Variants in RAB11FIP1 observed in about 807,000 individuals in gnomAD.
The protein encoded by RAB11FIP1 is rab11 family-interacting protein 1.
In RAB11FIP1, 49 loss-of-function variants were observed where a neutral mutation model predicts 83.1. The observed-to-expected ratio is 0.59, with a 90% CI of 0.47 to 0.75. The LOEUF (loss-of-function observed/expected upper bound fraction) is 0.75. Among genes scored for constraint, RAB11FIP1 ranks in the 30% least tolerant of loss-of-function variants. The probability of loss-of-function intolerance (pLI) is 0.00; values close to 1 mark genes in which losing one functional copy is unlikely to be tolerated. For synonymous variants in RAB11FIP1, 670 were observed against 656.0 expected (o/e 1.02, Z -0.33); for missense variants, 1,536 against 1,598.7 (o/e 0.96, Z 0.67).
chr8:37,875,163 T>A lies in RAB11FIP1; in HGVS notation c.974A>T (p.Tyr325Phe). The A allele has an allele frequency of 6.2e-7, 1 of 1,614,060 alleles. No individual in the cohort carries two copies. The change falls in exon 3 of 6, where the codon TAC becomes TTC. Residue 325 changes from tyrosine to phenylalanine, a missense_variant. Coordinates refer to ENST00000330843, the MANE Select transcript of RAB11FIP1 (RefSeq NM_001002814.3). ...SNVCINGNHV[Y>F]LEQPEAKGEI... ...ACCCTTGGCTTCTGGCTGCTCCAGG[T>A]AAACATGGTTCCCATTGATGCAGAC...
At chr8:37,887,290 G>A (rs1269823661) in intron 1 of RAB11FIP1, among the ~76,000 whole-genome samples, 1 of 152,160 alleles carries the variant, frequency 6.6e-6, no homozygotes, top group Non-Finnish European at 1.5e-5. Context: ...CAGCACATTG[G>A]GAGGCCGAGG....
chr8:37,899,442 G>A lies in RAB11FIP1; in HGVS notation c.-1C>T, dbSNP rs367918256. 57 of 1,549,308 alleles carry A rather than the reference G, an allele frequency of 3.7e-5. No homozygotes were observed. Among genetic ancestry groups the A allele is most frequent in the Non-Finnish European group, 4.2e-5 (48 of 1,151,606 alleles). ...GGCCAGCCGAGACCATTAGGGACAT[G>A]GTGACGATAACACTCCAGAAGCGAG... On this transcript the variant is annotated 5_prime_UTR_variant, in exon 1 of 6. Coordinates refer to ENST00000330843, the MANE Select transcript of RAB11FIP1 (RefSeq NM_001002814.3). The surrounding 1 kb of genome is among the most constrained non-coding windows in gnomAD (Gnocchi z 4.5).
chr8:37,898,300 C>T (rs1402570764), intron 1 of RAB11FIP1, among the ~76,000 whole-genome samples: 2 of 150,986 alleles, frequency 1.3e-5, no homozygotes, highest in African/African-American at 4.9e-5. Flanking sequence ...CACCTGAAGT[C>T]AGAAATTCGA....
intron 5 of RAB11FIP1, among the ~76,000 whole-genome samples, chr8:37,864,584 C>G (rs1269959960): frequency 6.6e-6 from 1 of 152,098 alleles, no homozygotes; most frequent in Non-Finnish European, 1.5e-5. Context: ...TGGACACGAG[C>G]CAGAAGTCAA....
chr8:37,864,554 A>G lies in RAB11FIP1; in HGVS notation c.3634-1441T>C, dbSNP rs562025538. 3.9e-5 allele frequency among the ~76,000 whole-genome samples: 6 copies of G among 152,322 alleles called. No homozygotes were observed. The East Asian group carries it at 1.2e-3, about 29-fold the overall frequency. ...AGTGACATGATAGGAGCCCCAGTTC[A>G]GTCAGTGACGCAAACTGCCTGGACA... is the stretch of plus-strand genomic sequence containing the variant. On this transcript the variant is annotated intron_variant, in intron 5 of 5. Coordinates refer to ENST00000330843, the MANE Select transcript of RAB11FIP1 (RefSeq NM_001002814.3).
chr8:37,872,109 G>C lies in RAB11FIP1; in HGVS notation c.2693C>G (p.Pro898Arg), dbSNP rs773661372. The change falls in exon 4 of 6, where the codon CCC (proline) becomes CGC (arginine). Residue 898 changes from proline (P) to arginine (R), a missense_variant. Transcript: ENST00000330843. ...PSQEESFSEV[P>R]MSEASSAKDT... ...TTTCGCTGAGCTTGCTTCACTCATG[G>C]GGACTTCGGAGAAACTCTCCTCCTG... 1.9e-6 allele frequency: 3 copies of C among 1,613,912 alleles called. No individual in the cohort carries two copies. Among genetic ancestry groups the C allele is most frequent in the Admixed American group, 3.3e-5 (2 of 59,974 alleles).
chr8:37,862,991 T>G lies in RAB11FIP1; in HGVS notation c.3756A>C (p.Glu1252Asp). ...SKKEFQVREL[E>D]DYIDNLLVRV... ...TGACAAGCAGGTTGTCAATGTAGTC[T>G]TCCAGCTCGCGGACCTGGAACTCCT... is the stretch of plus-strand genomic sequence containing the variant. Residue 1252 changes from glutamate (E) to aspartate (D), a missense_variant, in exon 6 of 6, where the codon GAA becomes GAC. Glu to Asp is a conservative substitution (Grantham distance 45, BLOSUM62 2). Transcript: ENST00000330843. 1.2e-6 allele frequency: 2 copies of G among 1,613,992 alleles called. No homozygotes were observed. The highest frequency in any genetic ancestry group is 1.7e-6 in the Non-Finnish European group (2 of 1,180,018).
chr8:37,898,867 A>G (rs1289654156), intron 1 of RAB11FIP1, among the ~76,000 whole-genome samples: 1 of 151,600 alleles, frequency 6.6e-6, no homozygotes, highest in Non-Finnish European at 1.5e-5. Flanking sequence ...CCTTCTTCCA[A>G]GAAGACCCAA....
At chr8:37,895,080 T>C (rs1472229759) in intron 1 of RAB11FIP1, among the ~76,000 whole-genome samples, 1 of 144,342 alleles carries the variant, frequency 6.9e-6, no homozygotes, top group Non-Finnish European at 1.5e-5. Flanking sequence ...GTTTTTTTTT[T>C]TTAGAGACAG....
At chr8:37,876,214 AAAGGAAGGAAGG>A (rs71216633) in intron 2 of RAB11FIP1, among the ~76,000 whole-genome samples, 3,933 of 128,362 alleles carry the variant, frequency 0.031, 122 homozygotes, top group African/African-American at 0.078. Context: ...GAAAAGAAAG[AAAGGAAGGAAGG>A]AAGGAAGGAA....
intron 1 of RAB11FIP1, among the ~76,000 whole-genome samples, chr8:37,879,402 T>C (rs1806690436): frequency 6.6e-6 from 1 of 152,136 alleles, no homozygotes; most frequent in Admixed American, 6.5e-5. Context: ...CCTGGGTTAG[T>C]CAAATTCATC....
At chr8:37,890,594 C>T (rs1806927794) in intron 1 of RAB11FIP1, among the ~76,000 whole-genome samples, 1 of 152,064 alleles carries the variant, frequency 6.6e-6, no homozygotes, top group Non-Finnish European at 1.5e-5. Context: ...AAACTGCCTC[C>T]TTTGCCACAG....
rs59670170 is a variant in RAB11FIP1, at chr8:37,877,708, A to ATTTT, written c.372-161_372-158dup. On this transcript the variant is annotated intron_variant, in intron 1 of 5. Transcript: ENST00000330843. The stretch of plus-strand genomic sequence containing the variant: ...TCGGGAAGTGGTAGATGAGAGCAGA[A>ATTTT]TTTTTTTTTTTTTTTTTTTTTTTTT... 6.0e-4 allele frequency: 127 copies of ATTTT among 211,050 alleles called. 1 individual carries two copies. Among genetic ancestry groups the ATTTT allele is most frequent in the South Asian group, 8.9e-4 (17 of 19,078 alleles). 13.1% of individuals were successfully genotyped at this position (211,050 alleles called of 1,614,324 possible). A position where few individuals can be genotyped will look rare whatever the true frequency, so the allele number is the denominator to read the frequency against.
chr8:37,897,497 T>C (rs2130206792), intron 1 of RAB11FIP1, among the ~76,000 whole-genome samples: 1 of 149,100 alleles, frequency 6.7e-6, no homozygotes, highest in East Asian at 2.0e-4. Flanking sequence ...TAGATGAACA[T>C]AATCGAACGT....
chr8:37,877,378 T>C lies in RAB11FIP1; in HGVS notation c.545A>G (p.Lys182Arg), dbSNP rs1434053572. The change falls in exon 2 of 6, where the codon AAG (lysine) becomes AGG (arginine). Residue 182 changes from lysine (K) to arginine (R), a missense_variant. Coordinates refer to ENST00000330843, the MANE Select transcript of RAB11FIP1 (RefSeq NM_001002814.3). ...GGAGGCGGTGTCTGACCCACTGTCC[T>C]TATTCTTCCCCTTGATCTTGTCCTT... ...KLKDKIKGKN[K>R]DSGSDTASAI... 1.2e-6 allele frequency: 2 copies of C among 1,614,102 alleles called. No individual in the cohort carries two copies. The highest frequency in any genetic ancestry group is 1.3e-5 in the African/African-American group (1 of 74,944).
Position 37,862,733 on chromosome 8 carries a change from T to C in RAB11FIP1, c.*162A>G. On this transcript the variant is annotated 3_prime_UTR_variant, in exon 6 of 6. Coordinates refer to ENST00000330843, the MANE Select transcript of RAB11FIP1 (RefSeq NM_001002814.3). ...ACAGTAAAAGATTAATTGTAATCAT[T>C]AACCTGGCTTCCATTGGTAGAATTC... is the stretch of plus-strand genomic sequence containing the variant. 1 of 607,594 alleles carries C rather than the reference T, an allele frequency of 1.6e-6. No homozygotes were observed. Among genetic ancestry groups the C allele is most frequent in the South Asian group, 2.0e-5 (1 of 50,142 alleles). 37.6% of individuals were successfully genotyped at this position (607,594 alleles called of 1,614,324 possible).
Position 37,874,579 on chromosome 8 carries a change from T to TGG in RAB11FIP1, c.1556_1557dup (p.Lys520ProfsTer84). The TGG allele has an allele frequency of 6.2e-7, 1 of 1,614,170 alleles. No individual in the cohort carries two copies. The highest frequency in any genetic ancestry group is 1.7e-5 in the Admixed American group (1 of 60,014). On this transcript the variant is annotated frameshift_variant, in exon 3 of 6. Coordinates refer to ENST00000330843, the MANE Select transcript of RAB11FIP1 (RefSeq NM_001002814.3). LOFTEE classifies it high-confidence loss of function. ...GAAATTGGAGGTCTCGGTTCAGACT[T>TGG]GGACTCTGGCTCAGCTTCTGGTTCT... is the stretch of plus-strand genomic sequence containing the variant.
In RAB11FIP1 at chr8:37,874,979, G is replaced by A. The variant is rs1396714230; in HGVS notation, c.1158C>T (p.Thr386=). 2 of 1,614,168 alleles carry A rather than the reference G, an allele frequency of 1.2e-6. No homozygotes were observed. The highest frequency in any genetic ancestry group is 1.1e-5 in the South Asian group (1 of 91,080). Reference sequence around the variant, plus strand: ...GGGTCATAGACTTCAAGGAGTCCTTGGTGGAAGATTCGGAGAGCTGCCTGT... The same window carrying A: ...GGGTCATAGACTTCAAGGAGTCCTTAGTGGAAGATTCGGAGAGCTGCCTGT... ...SSDRQLSESS[T]KDSLKSMTLP... Residue 386 remains threonine (T), a synonymous_variant, in exon 3 of 6, where the codon ACC becomes ACT. Coordinates refer to ENST00000330843, the MANE Select transcript of RAB11FIP1 (RefSeq NM_001002814.3).
intron 2 of RAB11FIP1, among the ~76,000 whole-genome samples, chr8:37,876,204 G>GA (rs1287418265): frequency 7.9e-5 from 9 of 113,794 alleles, no homozygotes; most frequent in African/African-American, 3.0e-4. Flanking sequence ...CAAAAGAAAA[G>GA]AAAAGAAAGA....
Sources: allele counts gnomAD v4.1 joint callset (sites outside exome capture counted in the v4.1 genomes callset), GRCh38; gene constraint gnomAD v4.1.1; non-coding constraint Gnocchi (gnomAD v3.1); transcripts MANE v1.5; gene names NCBI Gene and HGNC (gene_info 2026-07-23, HGNC 2026-07-21).